ANKS1B: variants seen among roughly 807,000 people sequenced by gnomAD.
ANKS1B encodes the protein ankyrin repeat and sterile alpha motif domain containing 1B.
Under a neutral mutation model 148.3 loss-of-function variants are expected in ANKS1B, and 36 were observed. The ratio of observed to expected loss-of-function variants is 0.24; its 90% CI spans 0.19 to 0.32. ANKS1B has a LOEUF of 0.32. ANKS1B is among the 10% of genes least tolerant of loss of function. The pLI, the probability that ANKS1B is intolerant of heterozygous loss-of-function variation, is 1.00. For synonymous variants in ANKS1B, 542 were observed against 560.8 expected (o/e 0.97, Z 0.47); for missense variants, 1,157 against 1,542.6 (o/e 0.75, Z 4.19).
intron 15 of ANKS1B, among the ~76,000 whole-genome samples, chr12:99,091,192 C>T (rs2053865336): frequency 6.6e-6 from 1 of 152,042 alleles, no homozygotes; most frequent in Non-Finnish European, 1.5e-5. Flanking sequence ...TAAATTATAT[C>T]TTAAGGTTAA....
intron 12 of ANKS1B, among the ~76,000 whole-genome samples, chr12:99,269,029 A>C (rs775473214): frequency 6.6e-6 from 1 of 152,202 alleles, no homozygotes; most frequent in Non-Finnish European, 1.5e-5. Context: ...AATCATTACA[A>C]ATACACACAG....
rs114713949 is a variant in ANKS1B at position 99,709,375 on chromosome 12, G to A, written c.1129-54165C>T. The stretch of plus-strand genomic sequence containing the variant: ...TTTTGAAGCAGTTGCTCTGACACCT[G>A]AGGGTGTAACCATGTTTGAAGGTGT... On this transcript the variant is annotated intron_variant, in intron 8 of 26. Transcript: ENST00000683438. Among the ~76,000 whole-genome samples, 500 of 152,250 alleles carry A rather than the reference G, an allele frequency of 3.3e-3. 7 individuals carry two copies. The highest frequency in any genetic ancestry group is 0.012 in the African/African-American group (478 of 41,554).
chr12:99,378,437 T>C (rs1416597340), intron 12 of ANKS1B, among the ~76,000 whole-genome samples: 5 of 151,756 alleles, frequency 3.3e-5, no homozygotes, highest in African/African-American at 7.3e-5. Flanking sequence ...GGGCAGATCA[T>C]GAGGTCAAGA....
chr12:99,812,121 A>T, intron 3 of ANKS1B, 34 bp downstream of exon 3: 1 of 1,588,662 alleles, frequency 6.3e-7, no homozygotes, highest in South Asian at 1.1e-5. Flanking sequence ...AAACTAGAAA[A>T]ATTACATCAT....
chr12:99,141,111 T>C (rs1303699571), intron 15 of ANKS1B, among the ~76,000 whole-genome samples: 2 of 152,080 alleles, frequency 1.3e-5, no homozygotes, highest in Non-Finnish European at 2.9e-5. Flanking sequence ...TTCTTTCTTT[T>C]CCAATATCAA....
chr12:99,458,660 G>C (rs2095888239), intron 10 of ANKS1B, among the ~76,000 whole-genome samples: 1 of 151,920 alleles, frequency 6.6e-6, no homozygotes, highest in Admixed American at 6.6e-5. Context: ...AGAAAACCTA[G>C]AGGAGATGGA....
chr12:99,881,557 G>C (rs1161430148), intron 1 of ANKS1B, among the ~76,000 whole-genome samples: 1 of 152,200 alleles, frequency 6.6e-6, no homozygotes, highest in East Asian at 1.9e-4. Context: ...GGATATTGCG[G>C]AGAAAGGGTT....
chr12:99,389,468 T>A (rs545098929), intron 12 of ANKS1B, among the ~76,000 whole-genome samples: 1 of 152,218 alleles, frequency 6.6e-6, no homozygotes, highest in African/African-American at 2.4e-5. Flanking sequence ...ACCAAAAGAC[T>A]CTTTTCCTCC....
chr12:99,202,026 A>G (rs1295371153), intron 14 of ANKS1B, among the ~76,000 whole-genome samples: 1 of 152,210 alleles, frequency 6.6e-6, no homozygotes, highest in Non-Finnish European at 1.5e-5. Context: ...GAAAAATTTT[A>G]ATTACAGCTA....
chr12:99,372,592 C>T (rs373574636), intron 12 of ANKS1B, among the ~76,000 whole-genome samples: 2 of 152,070 alleles, frequency 1.3e-5, no homozygotes, highest in Admixed American at 6.6e-5. Context: ...CTAAACAAGA[C>T]TGTTAAATAG....
intron 17 of ANKS1B, among the ~76,000 whole-genome samples, chr12:99,000,304 C>T (rs1433032514): frequency 2.5e-5 from 3 of 118,868 alleles, no homozygotes; most frequent in East Asian, 5.0e-4. Flanking sequence ...GAGTTTTGCT[C>T]TGTCATCCAG....
At chr12:99,869,031 T>C (rs953396663) in intron 1 of ANKS1B, among the ~76,000 whole-genome samples, 11 of 152,030 alleles carry the variant, frequency 7.2e-5, no homozygotes, top group Non-Finnish European at 1.6e-4. Context: ...CAATCCAGCC[T>C]AGGTAACAAA....
chr12:99,983,329 C>G (rs1291454053), intron 1 of ANKS1B, among the ~76,000 whole-genome samples: 1 of 152,160 alleles, frequency 6.6e-6, no homozygotes, highest in Non-Finnish European at 1.5e-5. Flanking sequence ...CAAGGTACTG[C>G]TGAATGAAGA....
chr12:98,959,628 C>A (rs2099867960), intron 17 of ANKS1B, among the ~76,000 whole-genome samples: 1 of 152,194 alleles, frequency 6.6e-6, no homozygotes, highest in African/African-American at 2.4e-5. Context: ...AACCAAAAAT[C>A]AGCTTAGGTA....
intron 19 of ANKS1B, among the ~76,000 whole-genome samples, chr12:98,810,891 G>A (rs1227735878): frequency 1.3e-5 from 2 of 152,202 alleles, no homozygotes; most frequent in South Asian, 2.1e-4. Context: ...TAAAAAGCCC[G>A]GGGTGGATAA....
chr12:99,444,250 T>C (rs923509574), intron 10 of ANKS1B, among the ~76,000 whole-genome samples: 1 of 151,950 alleles, frequency 6.6e-6, no homozygotes, highest in African/African-American at 2.4e-5. Flanking sequence ...AAATCCAAAT[T>C]CAAGCCTCCT....
chr12:99,369,823 C>CGGACGGACGGACAGAT (rs2093016469), intron 12 of ANKS1B, among the ~76,000 whole-genome samples: 1 of 149,164 alleles, frequency 6.7e-6, no homozygotes, highest in African/African-American at 2.5e-5. Context: ...GACGGACAGA[C>CGGACGGACGGACAGAT]GGACGGATAG....
At chr12:99,207,592 TGACA>T (rs1244066929) in intron 14 of ANKS1B, among the ~76,000 whole-genome samples, 4 of 152,100 alleles carry the variant, frequency 2.6e-5, no homozygotes, top group Admixed American at 6.6e-5. Context: ...AAAATGTTTT[TGACA>T]GACAGCTCAA....
intron 15 of ANKS1B, among the ~76,000 whole-genome samples, chr12:99,094,005 G>A (rs1322804151): frequency 1.3e-5 from 2 of 152,200 alleles, no homozygotes; most frequent in African/African-American, 2.4e-5. Context: ...TTAGACAGGA[G>A]GTCACTGAAA....
Sources: gnomAD v4.1 joint callset for allele counts (sites outside exome capture counted in the v4.1 genomes callset) on GRCh38, gnomAD v4.1.1 for gene constraint, MANE v1.5 for transcripts, NCBI Gene and HGNC (gene_info 2026-07-23, HGNC 2026-07-21) for gene names.